YLPM1: variants seen among roughly 807,000 people sequenced by gnomAD.
YLPM1 encodes the protein YLP motif-containing protein 1.
YLPM1 carries 99 observed loss-of-function variants against 230.0 expected under a neutral mutation model. The observed-to-expected ratio is 0.43, with a 90% CI of 0.37 to 0.51. The LOEUF is 0.51. YLPM1 is among the 20% of genes least tolerant of loss of function. The pLI is 0.00. For synonymous variants in YLPM1, 984 were observed against 942.5 expected (o/e 1.04, Z -0.81); for missense variants, 2,592 against 2,707.7 (o/e 0.96, Z 0.95).
chr14:74,772,300 G>A (rs768107500), intron 1 of YLPM1, among the ~76,000 whole-genome samples: 7 of 148,708 alleles, frequency 4.7e-5, no homozygotes, highest in Admixed American at 6.8e-5. Context: ...AGCGATATTC[G>A]TGCCTCGGCA....
intron 19 of YLPM1, among the ~76,000 whole-genome samples, chr14:74,834,183 TAAAA>T (rs5809680): frequency 7.7e-6 from 1 of 130,370 alleles, no homozygotes; most frequent in Non-Finnish European, 1.6e-5. Flanking sequence ...ACTCTGACTC[TAAAA>T]AAAAAAAAAA....
intron 16 of YLPM1, 126 bp from the exon 17 acceptor site, chr14:74,820,931 C>T: frequency 9.5e-7 from 1 of 1,051,924 alleles, no homozygotes; most frequent in East Asian, 3.1e-5. Flanking sequence ...TTAAAAATTA[C>T]TTGGTATGTA....
intron 1 of YLPM1, among the ~76,000 whole-genome samples, chr14:74,774,697 C>T (rs1016367443): frequency 2.0e-5 from 3 of 152,048 alleles, no homozygotes; most frequent in East Asian, 1.9e-4. Context: ...TGAGCCACTG[C>T]GCTCCGCCTT....
chr14:74,820,245 T>C (rs28445878), intron 16 of YLPM1, among the ~76,000 whole-genome samples: 22,413 of 152,080 alleles, frequency 0.15, 1,787 homozygotes, highest in South Asian at 0.29. Context: ...CTGGGAGTTA[T>C]CCCTGACTCT....
chr14:74,813,675 A>G (rs1390559143), intron 11 of YLPM1, among the ~76,000 whole-genome samples: 4 of 152,076 alleles, frequency 2.6e-5, no homozygotes. Flanking sequence ...GTAATGCTGG[A>G]GTTTGGGCTT....
At chr14:74,813,412 G>T in intron 11 of YLPM1, among the ~76,000 whole-genome samples, 1 of 151,476 alleles carries the variant, frequency 6.6e-6, no homozygotes, top group South Asian at 2.1e-4. Flanking sequence ...TATGCCTATG[G>T]TTGGATCTTT....
At chr14:74,805,869 A>AT (rs60143650) in intron 6 of YLPM1, among the ~76,000 whole-genome samples, 2 of 148,780 alleles carry the variant, frequency 1.3e-5, no homozygotes, top group African/African-American at 4.9e-5. Context: ...TTCCTGGCTC[A>AT]TTTTTTTTGT....
chr14:74,779,070 G>A (rs940303365), intron 2 of YLPM1, among the ~76,000 whole-genome samples: 1 of 152,078 alleles, frequency 6.6e-6, no homozygotes, highest in Non-Finnish European at 1.5e-5. Context: ...TCGAACTCCT[G>A]ACCTCAAGTG....
chr14:74,763,594 G>T lies in YLPM1; in HGVS notation c.105G>T (p.Gly35=). The T allele has an allele frequency of 6.3e-7, 1 of 1,590,294 alleles. No individual in the cohort carries two copies. The highest frequency in any genetic ancestry group is 1.4e-5 in the African/African-American group (1 of 72,968). ...VALPEASPGP[G]YSSSTTPAAP... is the part of the protein sequence containing the mutation. ...TTCCTGAGGCCTCGCCGGGGCCCGG[G>T]TACTCGAGCTCGACGACTCCCGCGG... Residue 35 remains glycine, a synonymous_variant, in exon 1 of 21, where the codon GGG becomes GGT. Transcript: ENST00000325680.
At position 74,798,186 on chromosome 14, in the gene YLPM1, G is replaced by A; in HGVS notation, c.2889G>A (p.Gly963=). Residue 963 remains glycine, a synonymous_variant, in exon 5 of 21, where the codon GGG becomes GGA. Transcript: ENST00000325680. ...PAQSTFPSKT[G]GMEGGTAVAT... ...AATCTACTTTTCCTTCAAAAACAGGGGGGATGGAGGGAGGAACAGCAGTAG... is the reference window on the plus strand; with the variant it reads ...AATCTACTTTTCCTTCAAAAACAGGAGGGATGGAGGGAGGAACAGCAGTAG... The A allele has an allele frequency of 6.2e-7, 1 of 1,613,972 alleles. No individual in the cohort carries two copies. Among genetic ancestry groups the A allele is most frequent in the Non-Finnish European group, 8.5e-7 (1 of 1,179,890 alleles).
At chr14:74,802,423 G>A in intron 5 of YLPM1, 133 bp from the exon 6 acceptor site, 1 of 935,810 alleles carries the variant, frequency 1.1e-6, no homozygotes, top group Non-Finnish European at 1.5e-6. Context: ...GAGCTGCTCA[G>A]TGTATGGCCA....
rs371121590 is a variant in YLPM1, at chr14:74,763,471, C to G, written c.-19C>G. ...ACGAGTAACGGCGCCAGGACGAGCC[C>G]TGCGCCTTCTTTTTCGATATGTACC... On this transcript the variant is annotated 5_prime_UTR_variant, in exon 1 of 21. Coordinates refer to ENST00000325680, the MANE Select transcript of YLPM1 (RefSeq NM_019589.3). The G allele has an allele frequency of 2.8e-6, 4 of 1,439,450 alleles. No homozygotes were observed. The highest frequency in any genetic ancestry group is 2.7e-6 in the Non-Finnish European group (3 of 1,092,352). The allele number at this position is 1,439,450 out of a possible 1,614,324, so 89.2% of individuals were successfully genotyped here. A position where few individuals can be genotyped will look rare whatever the true frequency, so the allele number is the denominator to read the frequency against.
At position 74,781,359 on chromosome 14, in the gene YLPM1, G is replaced by C. The variant is rs776471367; in HGVS notation, c.1316G>C (p.Arg439Pro). The change falls in exon 4 of 21, where the codon CGG becomes CCG. Residue 439 changes from arginine to proline, a missense_variant. Coordinates refer to ENST00000325680, the MANE Select transcript of YLPM1 (RefSeq NM_019589.3). The part of the protein sequence containing the change: ...IQTMSVDMQL[R>P]HYEMQQQQFQ... ...ACCATGTCTGTAGATATGCAGCTGC[G>C]GCATTATGAGATGCAGCAGCAACAG... 6.4e-7 allele frequency: 1 copy of C among 1,573,020 alleles called. No homozygotes were observed. Among genetic ancestry groups the C allele is most frequent in the Non-Finnish European group, 8.6e-7 (1 of 1,158,426 alleles).
At chr14:74,810,504 AT>A in intron 9 of YLPM1, 84 bp downstream of exon 9, 1 of 1,402,346 alleles carries the variant, frequency 7.1e-7, no homozygotes, top group South Asian at 1.3e-5. Flanking sequence ...AATAAGTAAC[AT>A]ATTCTTCTCA....
intron 1 of YLPM1, among the ~76,000 whole-genome samples, chr14:74,768,782 G>A (rs763536626): frequency 2.0e-5 from 3 of 152,162 alleles, no homozygotes; most frequent in Non-Finnish European, 4.4e-5. Context: ...CAGTTGTGGG[G>A]GAAGGGAGAA....
intron 18 of YLPM1, 138 bp downstream of exon 18, chr14:74,824,445 T>TA (rs2091547119): frequency 1.4e-6 from 1 of 729,568 alleles, no homozygotes. Context: ...TCCTCCAATC[T>TA]ATTTTGCTAG....
rs764091765 is a variant in YLPM1 at position 74,799,439 on chromosome 14, A to C, written c.4142A>C (p.Asp1381Ala). Residue 1381 changes from aspartate (D) to alanine (A), a missense_variant, in exon 5 of 21, where the codon GAT becomes GCT. Transcript: ENST00000325680. Reference protein sequence around the residue: ...LRIREYPERGDTWREKRDYVP... With the variant: ...LRIREYPERGATWREKRDYVP... ...ATTCGAGAGTATCCAGAAAGAGGAG[A>C]TACATGGCGGGAAAAGCGAGATTAT... 4 of 1,613,858 alleles carry C rather than the reference A, an allele frequency of 2.5e-6. No individual in the cohort carries two copies. In the African/African-American group the frequency reaches 4.0e-5, roughly 16 times the overall value.
chr14:74,764,053 G>A lies in YLPM1; in HGVS notation c.564G>A (p.Gln188=), dbSNP rs2090882317. 1 of 1,608,614 alleles carries A rather than the reference G, an allele frequency of 6.2e-7. No homozygotes were observed. The highest frequency in any genetic ancestry group is 8.5e-7 in the Non-Finnish European group (1 of 1,178,368). Residue 188 remains glutamine (Q), a synonymous_variant, in exon 1 of 21, where the codon CAG becomes CAA. Transcript: ENST00000325680. ...TSSQPYLPPA[Q]PSPSQSPPSQ... ...CTCAGCCCTACCTGCCTCCTGCTCAGCCGTCCCCTTCGCAGTCCCCACCTT... is the reference window on the plus strand; with the variant it reads ...CTCAGCCCTACCTGCCTCCTGCTCAACCGTCCCCTTCGCAGTCCCCACCTT...
intron 19 of YLPM1, among the ~76,000 whole-genome samples, chr14:74,830,536 G>T (rs1057213474): frequency 4.6e-5 from 7 of 152,262 alleles, no homozygotes; most frequent in African/African-American, 1.7e-4. Flanking sequence ...TGTACAATCA[G>T]TTATTTAACT....
Sources: gnomAD v4.1 joint callset for allele counts (sites outside exome capture counted in the v4.1 genomes callset) on GRCh38, gnomAD v4.1.1 for gene constraint, MANE v1.5 for transcripts, NCBI Gene and HGNC (gene_info 2026-07-23, HGNC 2026-07-21) for gene names.